PRTG: variants seen among roughly 807,000 people sequenced by gnomAD.
PRTG encodes the protein immunoglobulin superfamily, DCC subclass, member 5.
A neutral mutation model predicts 122.5 loss-of-function variants in PRTG; 67 were observed. The observed-to-expected ratio is 0.55, with a 90% CI of 0.45 to 0.67. The LOEUF is 0.67. PRTG is among the 30% of genes least tolerant of loss of function. PRTG has a pLI of 0.00. For synonymous variants in PRTG, 554 were observed against 501.1 expected (o/e 1.11, Z -1.41); for missense variants, 1,435 against 1,415.4 (o/e 1.01, Z -0.22).
rs182082929 is a variant in PRTG, at chr15:55,644,126, A to G, written c.2042-2918T>C. ...AGTGCTGGGATTACAGGTGTGAGCC[A>G]GCACGCCCAGCTGAAAAATACTTCT... On this transcript the variant is annotated intron_variant, in intron 11 of 19. Transcript: ENST00000389286. 2.6e-4 allele frequency among the ~76,000 whole-genome samples: 40 copies of G among 152,358 alleles called. No homozygotes were observed. In the East Asian group the frequency reaches 7.5e-3, roughly 29 times the overall value.
intron 11 of PRTG, among the ~76,000 whole-genome samples, chr15:55,670,553 T>C (rs1327171035): frequency 3.3e-5 from 5 of 152,212 alleles, no homozygotes; most frequent in Non-Finnish European, 7.3e-5. Context: ...GTCATCTCAG[T>C]ATCAATGGCT....
chr15:55,693,036 G>C (rs1208038294), intron 2 of PRTG, among the ~76,000 whole-genome samples: 1 of 151,142 alleles, frequency 6.6e-6, no homozygotes, highest in Non-Finnish European at 1.5e-5. Flanking sequence ...TTTCAGTAGA[G>C]ACGGGGTTTC....
chr15:55,708,163 A>AC (rs1555435320), intron 2 of PRTG, among the ~76,000 whole-genome samples: 9 of 97,666 alleles, frequency 9.2e-5, no homozygotes, highest in African/African-American at 2.7e-4. Flanking sequence ...AAAAAAAAAA[A>AC]AAAAAAAAAA....
rs548178294 is a variant in PRTG, at chr15:55,652,872, G to A, written c.2042-11664C>T. 6.9e-4 allele frequency among the ~76,000 whole-genome samples: 105 copies of A among 151,746 alleles called. 2 individuals carry two copies. The South Asian group carries it at 0.021, about 30-fold the overall frequency. ...AAGACAGAATTCTTTGTCTCATATC[G>A]TCAAACTTGTGTTAGAATGGAAAAC... is the stretch of plus-strand genomic sequence containing the variant. On this transcript the variant is annotated intron_variant, in intron 11 of 19. Coordinates refer to ENST00000389286, the MANE Select transcript of PRTG (RefSeq NM_173814.6).
In PRTG at chr15:55,619,879, T is replaced by C. The variant is rs760572788; in HGVS notation, c.*133A>G. The C allele has an allele frequency of 1.7e-5, 25 of 1,461,018 alleles. No homozygotes were observed. The highest frequency in any genetic ancestry group is 2.3e-5 in the Non-Finnish European group (25 of 1,090,162). The allele number at this position is 1,461,018 out of a possible 1,614,324, so 90.5% of individuals were successfully genotyped here. On this transcript the variant is annotated 3_prime_UTR_variant, in exon 20 of 20. Coordinates refer to ENST00000389286, the MANE Select transcript of PRTG (RefSeq NM_173814.6). Reference sequence around the variant, plus strand: ...TGGCCGTCTAGATTGGAAAATCATTTTTATCAAAGCATAGCATGGCAGATG... The same window carrying C: ...TGGCCGTCTAGATTGGAAAATCATTCTTATCAAAGCATAGCATGGCAGATG...
intron 9 of PRTG, among the ~76,000 whole-genome samples, 167 bp from the exon 10 acceptor site, chr15:55,673,843 A>T (rs1355504885): frequency 6.6e-6 from 1 of 152,230 alleles, no homozygotes; most frequent in Non-Finnish European, 1.5e-5. Flanking sequence ...AAAAAGAAGA[A>T]AAAATAATGA....
intron 11 of PRTG, among the ~76,000 whole-genome samples, chr15:55,650,640 G>T (rs1385318438): frequency 6.6e-6 from 1 of 152,072 alleles, no homozygotes; most frequent in Non-Finnish European, 1.5e-5. Context: ...TGACTAAACG[G>T]AACTGTTGAG....
At chr15:55,639,968 G>C in intron 12 of PRTG, 140 bp from the exon 13 acceptor site, 1 of 1,456,706 alleles carries the variant, frequency 6.9e-7, no homozygotes, top group Non-Finnish European at 9.0e-7. Flanking sequence ...GTGATCTAGA[G>C]ATGTATCATC....
chr15:55,682,405 T>G lies in PRTG; in HGVS notation c.635A>C (p.His212Pro). 1 of 1,606,132 alleles carries G rather than the reference T, an allele frequency of 6.2e-7. No homozygotes were observed. The highest frequency in any genetic ancestry group is 8.5e-7 in the Non-Finnish European group (1 of 1,175,370). Residue 212 changes from histidine (H) to proline (P), a missense_variant, in exon 4 of 20, where the codon CAC becomes CCC. Coordinates refer to ENST00000389286, the MANE Select transcript of PRTG (RefSeq NM_173814.6). ...CGAGGCCTCCATACTTTTACGTCGG[T>G]GGGCTACAGTGGCAGCAATACAACG... Reference protein sequence around the residue: ...NYRCIAATVAHRRKSMEASLT... With the variant: ...NYRCIAATVAPRRKSMEASLT...
At position 55,617,269 on chromosome 15, in the gene PRTG, AAATACTTT is replaced by A. The variant is rs2059145719; in HGVS notation, c.*2735_*2742del. 6.6e-6 allele frequency: 1 copy of A among 152,124 alleles called. No individual in the cohort carries two copies. Among genetic ancestry groups the A allele is most frequent in the African/African-American group, 2.4e-5 (1 of 41,464 alleles). 9.4% of individuals were successfully genotyped at this position (152,124 alleles called of 1,614,324 possible). On this transcript the variant is annotated 3_prime_UTR_variant, in exon 20 of 20. Coordinates refer to ENST00000389286, the MANE Select transcript of PRTG (RefSeq NM_173814.6). The stretch of plus-strand genomic sequence containing the variant: ...CCAACAAGTAGTTTCAACAATATAA[AAATACTTT>A]AATACTGTATAGTTGAAGATTTACT...
At chr15:55,648,778 C>T (rs115052847) in intron 11 of PRTG, among the ~76,000 whole-genome samples, 8,984 of 152,182 alleles carry the variant, frequency 0.059, 337 homozygotes, top group Middle Eastern at 0.13. Flanking sequence ...TTTGCCATAC[C>T]TATAAATATT....
At chr15:55,668,201 C>T (rs2059449176) in intron 11 of PRTG, among the ~76,000 whole-genome samples, 1 of 152,184 alleles carries the variant, frequency 6.6e-6, no homozygotes, top group Non-Finnish European at 1.5e-5. Flanking sequence ...AAATAATTAA[C>T]AAGCTCAAGC....
At chr15:55,728,257 A>G (rs1386810599) in intron 2 of PRTG, among the ~76,000 whole-genome samples, 2 of 152,224 alleles carry the variant, frequency 1.3e-5, no homozygotes, top group African/African-American at 4.8e-5. Flanking sequence ...TATATAGGGA[A>G]TATTTCCTAA....
At chr15:55,629,133 T>C (rs924358601) in intron 15 of PRTG, 129 bp from the exon 16 acceptor site, 7 of 542,386 alleles carry the variant, frequency 1.3e-5, no homozygotes, top group Middle Eastern at 4.9e-4. Context: ...TTGTAGAACA[T>C]TTAGAAAATA....
rs1416276934 is a variant in PRTG at position 55,628,894 on chromosome 15, G to A, written c.2734C>T (p.Leu912=). Residue 912 remains leucine (L), a synonymous_variant, in exon 16 of 20, where the codon CTG becomes TTG. Transcript: ENST00000389286. The stretch of plus-strand genomic sequence containing the variant: ...GAGGTTTCCTTTGGAAGTACTGCCA[G>A]CTCCACAGAATTTGAAAAGGGTCCT... ...GEGPFSNSVE[L]AVLPKETSES... 6.2e-7 allele frequency: 1 copy of A among 1,614,022 alleles called. No individual in the cohort carries two copies. The highest frequency in any genetic ancestry group is 8.5e-7 in the Non-Finnish European group (1 of 1,179,904).
rs779008875 is a variant in PRTG, at chr15:55,742,947, G to T, written c.-16C>A. On this transcript the variant is annotated 5_prime_UTR_variant, in exon 1 of 20. Coordinates refer to ENST00000389286, the MANE Select transcript of PRTG (RefSeq NM_173814.6). ...GAGGCGCCATTCAGCGTAGCCGCGC[G>T]GGCATGCTCCCCGGCCGCCCAGAGC... 1 of 1,502,516 alleles carries T rather than the reference G, an allele frequency of 6.7e-7. No homozygotes were observed. The highest frequency in any genetic ancestry group is 2.9e-5 in the East Asian group (1 of 35,058). The allele number at this position is 1,502,516 out of a possible 1,614,324, so 93.1% of individuals were successfully genotyped here.
At chr15:55,637,148 C>T (rs771143772) in intron 15 of PRTG, 22 bp downstream of exon 15, 1 of 1,476,154 alleles carries the variant, frequency 6.8e-7, no homozygotes, top group South Asian at 1.5e-5. Context: ...TTTCACCCTT[C>T]ATGGCAATTT....
At chr15:55,629,985 T>C in intron 15 of PRTG, among the ~76,000 whole-genome samples, 1 of 131,936 alleles carries the variant, frequency 7.6e-6, no homozygotes, top group African/African-American at 2.7e-5. Flanking sequence ...ACCAGGTTAA[T>C]TTTTTTTTTT....
rs894838469 is a variant in PRTG, at chr15:55,743,090, G to C, written c.-159C>G. 14 of 1,284,316 alleles carry C rather than the reference G, an allele frequency of 1.1e-5. No homozygotes were observed. The highest frequency in any genetic ancestry group is 1.3e-5 in the Non-Finnish European group (13 of 1,020,426). The allele number at this position is 1,284,316 out of a possible 1,614,324, so 79.6% of individuals were successfully genotyped here. On this transcript the variant is annotated 5_prime_UTR_variant, in exon 1 of 20. Coordinates refer to ENST00000389286, the MANE Select transcript of PRTG (RefSeq NM_173814.6). Reference sequence around the variant, plus strand: ...TGGCGAGCGTCTCTGCGGCGGCGAGGCTGGTGCTCGGACGGCCGCTCGCGA... The same window carrying C: ...TGGCGAGCGTCTCTGCGGCGGCGAGCCTGGTGCTCGGACGGCCGCTCGCGA...
Sources: gnomAD v4.1 joint callset for allele counts (sites outside exome capture counted in the v4.1 genomes callset) on GRCh38, gnomAD v4.1.1 for gene constraint, MANE v1.5 for transcripts, NCBI Gene and HGNC (gene_info 2026-07-23, HGNC 2026-07-21) for gene names.